The following RORB variants were observed in gnomAD, a reference collection of about 807,000 sequenced individuals.
The protein encoded by RORB is RAR related orphan receptor B.
RORB carries 6 observed loss-of-function variants against 59.1 expected under a neutral mutation model. That is an observed-to-expected ratio of 0.10 (90% CI 0.06 to 0.20). RORB has a LOEUF of 0.20. RORB is among the 10% of genes least tolerant of loss of function. RORB has a pLI of 1.00. For synonymous variants in RORB, 215 were observed against 204.5 expected (o/e 1.05, Z -0.44); for missense variants, 320 against 560.5 (o/e 0.57, Z 4.33).
At chr9:74,608,297 G>A (rs576646374) in intron 1 of RORB, among the ~76,000 whole-genome samples, 32 of 152,190 alleles carry the variant, frequency 2.1e-4, no homozygotes, top group Admixed American at 1.7e-3. Context: ...CGGGAGCGGT[G>A]GCTCACGCCT....
chr9:74,531,844 T>C (rs1360985203), intron 1 of RORB, among the ~76,000 whole-genome samples: 1 of 151,986 alleles, frequency 6.6e-6, no homozygotes, highest in Non-Finnish European at 1.5e-5. Context: ...GACTGCTGTC[T>C]TCTTGCAGAT....
Position 74,562,619 on chromosome 9 carries a change from G to C in RORB, c.7+64636G>C, listed in dbSNP as rs556944101. The stretch of plus-strand genomic sequence containing the variant: ...TCACCATGACCCAGTGTTGGCTCAT[G>C]TATCTCTGAAGCAATAAAGGAGTTG... On this transcript the variant is annotated intron_variant, in intron 1 of 9. Transcript: ENST00000376896. Among the ~76,000 whole-genome samples, 56 of 152,202 alleles carry C rather than the reference G, an allele frequency of 3.7e-4. 2 individuals carry two copies. The South Asian group carries it at 0.011, about 30-fold the overall frequency.
At chr9:74,540,404 A>T (rs1826387488) in intron 1 of RORB, among the ~76,000 whole-genome samples, 2 of 152,214 alleles carry the variant, frequency 1.3e-5, no homozygotes, top group South Asian at 4.1e-4. Flanking sequence ...ATAAAACAGT[A>T]TCCACATTGA....
intron 1 of RORB, 60 bp from the exon 2 acceptor site, chr9:74,630,222 G>A: frequency 1.3e-6 from 2 of 1,592,732 alleles, no homozygotes; most frequent in Non-Finnish European, 1.7e-6. Flanking sequence ...AGAGAGATAG[G>A]AAGAGTGAAA....
intron 4 of RORB, among the ~76,000 whole-genome samples, chr9:74,646,445 C>G (rs2118473561): frequency 6.6e-6 from 1 of 152,266 alleles, no homozygotes; most frequent in Non-Finnish European, 1.5e-5. Flanking sequence ...AAAAAACAAA[C>G]TTGTCTTGCT....
intron 1 of RORB, among the ~76,000 whole-genome samples, chr9:74,596,871 G>C (rs1432151236): frequency 6.6e-6 from 1 of 152,202 alleles, no homozygotes; most frequent in Non-Finnish European, 1.5e-5. Flanking sequence ...ATGGTCAATG[G>C]TCATGTGGCT....
intron 1 of RORB, among the ~76,000 whole-genome samples, chr9:74,513,354 A>G (rs936789827): frequency 6.6e-6 from 1 of 152,028 alleles, no homozygotes; most frequent in Non-Finnish European, 1.5e-5. Context: ...TTTAATATTT[A>G]TTCTTATATT....
chr9:74,548,927 T>G (rs572951158), intron 1 of RORB, among the ~76,000 whole-genome samples: 1 of 152,274 alleles, frequency 6.6e-6, no homozygotes, highest in African/African-American at 2.4e-5. Flanking sequence ...GTTTAATAAT[T>G]GCATCATTAT....
At chr9:74,654,411 A>ATTTGGAAT in intron 4 of RORB, among the ~76,000 whole-genome samples, 1 of 151,822 alleles carries the variant, frequency 6.6e-6, no homozygotes, top group South Asian at 2.1e-4. Context: ...ATTTAGATAC[A>ATTTGGAAT]GTCCATTTGG....
intron 1 of RORB, among the ~76,000 whole-genome samples, chr9:74,593,269 C>T (rs994380708): frequency 2.6e-5 from 4 of 151,982 alleles, no homozygotes; most frequent in African/African-American, 4.8e-5. Context: ...GAGTTCGAGA[C>T]CATCCTGACC....
intron 2 of RORB, among the ~76,000 whole-genome samples, 164 bp from the exon 3 acceptor site, chr9:74,634,467 C>G (rs1373911523): frequency 6.6e-6 from 1 of 152,150 alleles, no homozygotes; most frequent in Non-Finnish European, 1.5e-5. Flanking sequence ...ATCTATTTTC[C>G]CCAGCAGAAA....
At chr9:74,674,719 C>G (rs1008129329) in intron 9 of RORB, among the ~76,000 whole-genome samples, 1 of 152,074 alleles carries the variant, frequency 6.6e-6, no homozygotes, top group African/African-American at 2.4e-5. Context: ...ATGTGTTAAC[C>G]TGTGTTGTGG....
chr9:74,647,772 A>C (rs943742945), intron 4 of RORB, among the ~76,000 whole-genome samples: 1 of 152,200 alleles, frequency 6.6e-6, no homozygotes, highest in Admixed American at 6.5e-5. Context: ...GTACTACTTC[A>C]TTCTATTAAG....
At chr9:74,572,713 A>C (rs750662109) in intron 1 of RORB, among the ~76,000 whole-genome samples, 3 of 152,192 alleles carry the variant, frequency 2.0e-5, no homozygotes, top group Non-Finnish European at 2.9e-5. Context: ...TCTTGGGATT[A>C]ATTAGCTAAA....
At chr9:74,658,641 A>C (rs1024306393) in intron 4 of RORB, among the ~76,000 whole-genome samples, 2 of 152,220 alleles carry the variant, frequency 1.3e-5, no homozygotes, top group African/African-American at 4.8e-5. Context: ...TAGTTTGAAA[A>C]CTATAAAGCT....
intron 1 of RORB, among the ~76,000 whole-genome samples, chr9:74,625,428 A>G (rs1045108831): frequency 6.6e-6 from 1 of 152,216 alleles, no homozygotes; most frequent in African/African-American, 2.4e-5. Flanking sequence ...AGCCTGGACA[A>G]CATAGCAAGA....
rs557911892 is a variant in RORB, at chr9:74,538,209, A to T, written c.7+40226A>T. On this transcript the variant is annotated intron_variant, in intron 1 of 9. Coordinates refer to ENST00000376896, the MANE Select transcript of RORB (RefSeq NM_006914.4). ...AGCTATATAGTAGGCTATACCATTT[A>T]GACTTGTGTAAGTACACTCTGTGGT... Among the ~76,000 whole-genome samples the T allele has an allele frequency of 5.9e-5, 9 of 152,242 alleles. No individual in the cohort carries two copies. The South Asian group carries it at 1.9e-3, about 32-fold the overall frequency.
chr9:74,550,334 G>A (rs1325213740), intron 1 of RORB, among the ~76,000 whole-genome samples: 1 of 152,102 alleles, frequency 6.6e-6, no homozygotes, highest in Non-Finnish European at 1.5e-5. Context: ...CACTTTTTCA[G>A]CCCTAAATGA....
intron 1 of RORB, among the ~76,000 whole-genome samples, chr9:74,544,604 A>G (rs1826460268): frequency 6.6e-6 from 1 of 152,202 alleles, no homozygotes; most frequent in Admixed American, 6.5e-5. Context: ...ACGCAGCCTT[A>G]CTGGGCTGTC....
Sources: gnomAD v4.1 joint callset for allele counts (sites outside exome capture counted in the v4.1 genomes callset) on GRCh38, gnomAD v4.1.1 for gene constraint, MANE v1.5 for transcripts, NCBI Gene and HGNC (gene_info 2026-07-23, HGNC 2026-07-21) for gene names.